The following TIAM1 variants were observed in gnomAD, a reference collection of about 807,000 sequenced individuals.
TIAM1 encodes the protein TIAM Rac1 associated GEF 1.
Under a neutral mutation model 163.5 loss-of-function variants are expected in TIAM1, and 65 were observed. That is an observed-to-expected ratio of 0.40 (90% CI 0.33 to 0.49). TIAM1 has a LOEUF of 0.49. Among genes scored for constraint, TIAM1 ranks in the 20% least tolerant of loss-of-function variants. The pLI is 0.77. For missense variants in TIAM1, 1,789 were observed against 2,044.7 expected (o/e 0.87, Z 2.41); for synonymous variants, 833 against 810.1 (o/e 1.03, Z -0.48).
intron 2 of TIAM1, among the ~76,000 whole-genome samples, chr21:31,451,472 C>T (rs2044836597): frequency 6.6e-6 from 1 of 152,124 alleles, no homozygotes; most frequent in South Asian, 2.1e-4. Context: ...ATTTCAATGA[C>T]CTTGATGATT....
intron 2 of TIAM1, among the ~76,000 whole-genome samples, chr21:31,300,847 C>T (rs544721648): frequency 7.2e-5 from 11 of 152,272 alleles, no homozygotes; most frequent in East Asian, 5.8e-4. Context: ...AATAGAGATA[C>T]GGTAAAATGC....
rs140370413 is a variant in TIAM1 at position 31,363,485 on chromosome 21, T to G, written c.-368-24063A>C. Among the ~76,000 whole-genome samples, 87 of 152,236 alleles carry G rather than the reference T, an allele frequency of 5.7e-4. 1 individual carries two copies. The highest frequency in any genetic ancestry group is 1.9e-3 in the African/African-American group (80 of 41,548). ...GCAGGGGTAAGAAGCAGAGAAGATC[T>G]GCTCCTGTGATCCACAACACTCCTC... On this transcript the variant is annotated intron_variant, in intron 2 of 28. Coordinates refer to the TIAM1 transcript ENST00000286827.
chr21:31,358,674 C>A (rs1048223600), intron 2 of TIAM1, among the ~76,000 whole-genome samples: 8 of 152,058 alleles, frequency 5.3e-5, no homozygotes, highest in Non-Finnish European at 7.4e-5. Flanking sequence ...ATGTGCCAAT[C>A]CAAATCTCTT....
At chr21:31,125,763 C>T (rs1481672443) in intron 26 of TIAM1, among the ~76,000 whole-genome samples, 6 of 152,134 alleles carry the variant, frequency 3.9e-5, no homozygotes, top group African/African-American at 7.2e-5. Context: ...TTAGTGGAGA[C>T]GGGGCTTTGC....
intron 2 of TIAM1, among the ~76,000 whole-genome samples, chr21:31,360,909 T>A (rs1166500877): frequency 5.3e-5 from 8 of 151,996 alleles, no homozygotes. Context: ...AACACCAAGG[T>A]TTTCTGAGGG....
intron 2 of TIAM1, among the ~76,000 whole-genome samples, chr21:31,414,991 G>A (rs2043323250): frequency 1.3e-5 from 2 of 152,176 alleles, no homozygotes; most frequent in African/African-American, 4.8e-5. Context: ...GGCCCTAGGA[G>A]GCAGGAAGTC....
At chr21:31,358,967 C>G (rs1448665140) in intron 2 of TIAM1, among the ~76,000 whole-genome samples, 2 of 152,210 alleles carry the variant, frequency 1.3e-5, no homozygotes, top group Non-Finnish European at 2.9e-5. Context: ...CTTGTTCATG[C>G]CACTGAAGCC....
At chr21:31,132,771 T>A (rs1280680469) in intron 23 of TIAM1, among the ~76,000 whole-genome samples, 1 of 152,132 alleles carries the variant, frequency 6.6e-6, no homozygotes, top group Non-Finnish European at 1.5e-5. Context: ...TGTTGCCCGA[T>A]CCCTTCAGAC....
chr21:31,442,629 A>G (rs112304166), intron 2 of TIAM1, among the ~76,000 whole-genome samples: 3 of 152,328 alleles, frequency 2.0e-5, no homozygotes, highest in African/African-American at 7.2e-5. Context: ...GAGGAACTTG[A>G]TCAGATTATC....
rs141340564 is a variant in TIAM1, at chr21:31,381,427, G to A, written c.-368-42005C>T. On this transcript the variant is annotated intron_variant, in intron 2 of 28. Transcript: ENST00000286827. Reference sequence around the variant, plus strand: ...TCACACCTGTAATCCTGGCACTTTGGGAGGCCGTGGCAGGTGGATCACTTG... The same window carrying A: ...TCACACCTGTAATCCTGGCACTTTGAGAGGCCGTGGCAGGTGGATCACTTG... 1.6e-3 allele frequency among the ~76,000 whole-genome samples: 236 copies of A among 152,234 alleles called. 1 individual carries two copies. Among genetic ancestry groups the A allele is most frequent in the African/African-American group, 5.5e-3 (228 of 41,532 alleles).
chr21:31,534,655 C>G (rs931092735), intron 1 of TIAM1, among the ~76,000 whole-genome samples: 8 of 152,236 alleles, frequency 5.3e-5, no homozygotes, highest in African/African-American at 1.9e-4. Flanking sequence ...GCCTGGGCAA[C>G]AGAGCAAGAC....
chr21:31,430,233 T>TAC (rs2043968313), intron 2 of TIAM1, among the ~76,000 whole-genome samples: 5 of 125,796 alleles, frequency 4.0e-5, no homozygotes, highest in African/African-American at 1.8e-4. Flanking sequence ...AAAATATATA[T>TAC]ATATATATAT....
intron 1 of TIAM1, among the ~76,000 whole-genome samples, chr21:31,493,811 A>G (rs2046552800): frequency 6.6e-6 from 1 of 152,220 alleles, no homozygotes; most frequent in Admixed American, 6.5e-5. Context: ...GGGCAGAAGT[A>G]GGGAATGTAT....
At chr21:31,234,606 C>T (rs1050987394) in intron 6 of TIAM1, among the ~76,000 whole-genome samples, 1 of 151,916 alleles carries the variant, frequency 6.6e-6, no homozygotes, top group Non-Finnish European at 1.5e-5. Flanking sequence ...CATGGCAAAA[C>T]CCCGTCTCTA....
chr21:31,222,754 G>C (rs1601607399), intron 8 of TIAM1, among the ~76,000 whole-genome samples: 1 of 96,816 alleles, frequency 1.0e-5, no homozygotes, highest in African/African-American at 3.8e-5. Context: ...GTCTCACTTT[G>C]TCACCCAGGC....
In TIAM1 at chr21:31,530,130, C is replaced by T. The variant is rs375595982; in HGVS notation, c.-422+28797G>A. 1.4e-4 allele frequency among the ~76,000 whole-genome samples: 22 copies of T among 152,304 alleles called. No individual in the cohort carries two copies. The South Asian group carries it at 4.1e-3, about 29-fold the overall frequency. ...CACTATTCTCCCAGTTCCAGGCTAC[C>T]GTCAATGCCATCTCCCAGGGCAACC... On this transcript the variant is annotated intron_variant, in intron 1 of 28. Coordinates refer to the TIAM1 transcript ENST00000286827.
intron 2 of TIAM1, among the ~76,000 whole-genome samples, chr21:31,328,157 A>G (rs2075557816): frequency 6.6e-6 from 1 of 151,858 alleles, no homozygotes; most frequent in Non-Finnish European, 1.5e-5. Context: ...TAACTCCCCT[A>G]TGTTCAAAAG....
intron 2 of TIAM1, among the ~76,000 whole-genome samples, chr21:31,305,963 G>A (rs541579729): frequency 1.3e-3 from 195 of 152,230 alleles, no homozygotes; most frequent in South Asian, 6.4e-3. Flanking sequence ...GGGAGGAACC[G>A]CCAGTGTCCT....
At chr21:31,243,209 A>ATATATATATAT (rs1555902485) in intron 6 of TIAM1, among the ~76,000 whole-genome samples, 25 of 117,276 alleles carry the variant, frequency 2.1e-4, no homozygotes, top group African/African-American at 9.3e-4. Context: ...AAAAAAAAAA[A>ATATATATATAT]ATATATATAT....
Sources: gnomAD v4.1 joint callset for allele counts (sites outside exome capture counted in the v4.1 genomes callset) on GRCh38, gnomAD v4.1.1 for gene constraint, MANE v1.5 for transcripts, NCBI Gene and HGNC (gene_info 2026-07-23, HGNC 2026-07-21) for gene names.